Variants in RAD51B observed in about 807,000 individuals in gnomAD.
RAD51B encodes the protein RAD51 paralog B.
Under a neutral mutation model 42.2 loss-of-function variants are expected in RAD51B, and 38 were observed. The observed-to-expected ratio is 0.90, with a 90% CI of 0.70 to 1.18. RAD51B has a LOEUF of 1.18. RAD51B is among the 50% of genes most tolerant of loss of function. The pLI is 0.00. For synonymous variants in RAD51B, 154 were observed against 145.2 expected, an observed-to-expected ratio of 1.06 and a Z score of -0.43; for missense variants, 373 against 400.7, an observed-to-expected ratio of 0.93 and a Z score of 0.59.
Position 68,288,107 on chromosome 14 carries a change from G to A in RAD51B, c.757-3777G>A, listed in dbSNP as rs117637404. Among the ~76,000 whole-genome samples the A allele has an allele frequency of 8.1e-3, 1,231 of 152,324 alleles. 10 individuals are homozygous for A. Among genetic ancestry groups the A allele is most frequent in the Non-Finnish European group, 0.011 (749 of 68,028 alleles). Reference sequence around the variant, plus strand: ...GGAAAACCCCATGAAGCGTCAGTTAGAAACCAGACTGTGTTGAGTCTGTTT... The same window carrying A: ...GGAAAACCCCATGAAGCGTCAGTTAAAAACCAGACTGTGTTGAGTCTGTTT... On this transcript the variant is annotated intron_variant, in intron 7 of 10. Transcript: ENST00000471583.
At chr14:67,917,143 T>C (rs777202798) in intron 7 of RAD51B, among the ~76,000 whole-genome samples, 2 of 152,296 alleles carry the variant, frequency 1.3e-5, no homozygotes, top group Non-Finnish European at 2.9e-5. Flanking sequence ...AGGAGAATCA[T>C]TAGGAGCTTT....
At chr14:68,563,252 C>T in intron 10 of RAD51B, 4 of 985,388 alleles carry the variant, frequency 4.1e-6, no homozygotes, top group Non-Finnish European at 4.8e-6. Context: ...CTGCAGAGTT[C>T]AATGAAAAGC....
chr14:68,276,411 T>G (rs1224336585), intron 7 of RAD51B, among the ~76,000 whole-genome samples: 8 of 152,238 alleles, frequency 5.3e-5, no homozygotes, highest in African/African-American at 1.9e-4. Flanking sequence ...CGTACTCATT[T>G]TACTTTTTTT....
At chr14:68,281,699 A>T (rs2081322012) in intron 7 of RAD51B, among the ~76,000 whole-genome samples, 1 of 152,198 alleles carries the variant, frequency 6.6e-6, no homozygotes, top group African/African-American at 2.4e-5. Flanking sequence ...CTTATTAATG[A>T]TGTCATATGA....
At chr14:67,886,334 C>G (rs1177993466) in intron 6 of RAD51B, among the ~76,000 whole-genome samples, 1 of 152,120 alleles carries the variant, frequency 6.6e-6, no homozygotes, top group Non-Finnish European at 1.5e-5. Flanking sequence ...CTGGGTGTTT[C>G]TGGCTCAATG....
intron 7 of RAD51B, among the ~76,000 whole-genome samples, chr14:68,185,943 C>T (rs761315998): frequency 1.2e-4 from 19 of 152,164 alleles, no homozygotes; most frequent in Admixed American, 7.2e-4. Context: ...TGAGGCATCA[C>T]ATTACCCAAC....
At chr14:68,207,743 A>G (rs10135924) in intron 7 of RAD51B, among the ~76,000 whole-genome samples, 2 of 152,196 alleles carry the variant, frequency 1.3e-5, no homozygotes, top group African/African-American at 4.8e-5. Flanking sequence ...CAGCAGTCCA[A>G]TACTGCAGAA....
In RAD51B at chr14:68,513,937, A is replaced by G. The variant is rs183841008; in HGVS notation, c.1036+45687A>G. 4.5e-3 allele frequency among the ~76,000 whole-genome samples: 691 copies of G among 152,336 alleles called. 19 individuals are homozygous for G. The highest frequency in any genetic ancestry group is 0.04 in the Admixed American group (614 of 15,306). Reference sequence around the variant, plus strand: ...GTAGAAGATTTCCCTTATGGCAGGAAGCTCTGTTGAACAGTTTCATTTCTT... The same window carrying G: ...GTAGAAGATTTCCCTTATGGCAGGAGGCTCTGTTGAACAGTTTCATTTCTT... On this transcript the variant is annotated intron_variant, in intron 10 of 10. Transcript: ENST00000487270.
At chr14:68,257,587 A>G (rs2080780551) in intron 7 of RAD51B, among the ~76,000 whole-genome samples, 1 of 152,182 alleles carries the variant, frequency 6.6e-6, no homozygotes, top group African/African-American at 2.4e-5. Flanking sequence ...AAAACAAAAT[A>G]TAAAATTATT....
At chr14:68,306,467 A>G (rs1275756108) in intron 8 of RAD51B, among the ~76,000 whole-genome samples, 2 of 152,222 alleles carry the variant, frequency 1.3e-5, no homozygotes, top group East Asian at 1.9e-4. Context: ...TGTGCAGGTC[A>G]GCTGAGACAA....
chr14:68,578,813 G>T (rs1353695100), intron 10 of RAD51B, among the ~76,000 whole-genome samples: 7 of 152,210 alleles, frequency 4.6e-5, no homozygotes, highest in Non-Finnish European at 2.9e-5. Flanking sequence ...AGACAAAGGA[G>T]GAAAGCATGC....
At chr14:67,874,970 A>G (rs761462308) in intron 5 of RAD51B, among the ~76,000 whole-genome samples, 1 of 152,208 alleles carries the variant, frequency 6.6e-6, no homozygotes, top group Non-Finnish European at 1.5e-5. Context: ...TTGGAGAAAT[A>G]AAATGGATAA....
intron 7 of RAD51B, among the ~76,000 whole-genome samples, chr14:68,183,247 GTC>G (rs2079088848): frequency 6.6e-6 from 1 of 152,204 alleles, no homozygotes. Flanking sequence ...GCAGCTTTCA[GTC>G]TGTGTCCAAA....
intron 10 of RAD51B, among the ~76,000 whole-genome samples, chr14:68,634,479 C>G (rs530047491): frequency 8.5e-5 from 13 of 152,060 alleles, no homozygotes; most frequent in African/African-American, 2.2e-4. Context: ...CTCAAAAGCC[C>G]GTCGCCTTTG....
intron 7 of RAD51B, among the ~76,000 whole-genome samples, chr14:68,148,451 C>T (rs1302923682): frequency 2.0e-5 from 3 of 152,244 alleles, no homozygotes; most frequent in Non-Finnish European, 2.9e-5. Flanking sequence ...AATGAGAGTT[C>T]CTGTTGCTTC....
At chr14:68,669,286 G>A (rs1351514969) in intron 11 of RAD51B, among the ~76,000 whole-genome samples, 1 of 152,308 alleles carries the variant, frequency 6.6e-6, no homozygotes, top group Admixed American at 6.5e-5. Flanking sequence ...CTTTACATAG[G>A]AAATATGTAG....
intron 4 of RAD51B, among the ~76,000 whole-genome samples, chr14:67,848,825 A>C (rs1317468543): frequency 1.3e-5 from 2 of 152,108 alleles, no homozygotes; most frequent in Admixed American, 6.6e-5. Context: ...AGACGAGATA[A>C]ATTTATTTAT....
At chr14:68,374,845 C>T (rs2083333616) in intron 8 of RAD51B, among the ~76,000 whole-genome samples, 1 of 150,858 alleles carries the variant, frequency 6.6e-6, no homozygotes, top group Non-Finnish European at 1.5e-5. Context: ...TCAGTTTTAC[C>T]TGCGCTGAGG....
chr14:68,132,289 A>T (rs569371422), intron 7 of RAD51B, among the ~76,000 whole-genome samples: 3 of 152,118 alleles, frequency 2.0e-5, no homozygotes, highest in East Asian at 3.9e-4. Flanking sequence ...TCAAAATAGT[A>T]AGGAAATATA....
Sources: gnomAD v4.1 joint callset for allele counts (sites outside exome capture counted in the v4.1 genomes callset) on GRCh38, gnomAD v4.1.1 for gene constraint, MANE v1.5 for transcripts, NCBI Gene and HGNC (gene_info 2026-07-23, HGNC 2026-07-21) for gene names.